Variants in STAT5A observed in about 807,000 individuals in gnomAD.
The protein encoded by STAT5A is signal transducer and activator of transcription 5A, also known as epididymis secretory sperm binding protein.
STAT5A carries 26 observed loss-of-function variants against 100.2 expected under a neutral mutation model. The observed-to-expected ratio is 0.26, with a 90% CI of 0.19 to 0.36. STAT5A has a LOEUF of 0.36. Among genes scored for constraint, STAT5A ranks in the 10% least tolerant of loss-of-function variants. STAT5A has a pLI of 1.00. For missense variants in STAT5A, 634 were observed against 1,027.5 expected, an observed-to-expected ratio of 0.62 and a Z score of 5.24; for synonymous variants, 330 against 424.3, an observed-to-expected ratio of 0.78 and a Z score of 2.73.
chr17:42,301,588 T>C, intron 9 of STAT5A, 134 bp downstream of exon 9: 1 of 1,338,508 alleles, frequency 7.5e-7, no homozygotes, highest in South Asian at 1.4e-5. Flanking sequence ...ACTCCTGGAC[T>C]CATGCAGTCT....
intron 8 of STAT5A, 125 bp downstream of exon 8, chr17:42,300,995 C>G (rs1325692343): frequency 6.5e-7 from 1 of 1,544,580 alleles, no homozygotes; most frequent in Non-Finnish European, 8.8e-7. Flanking sequence ...AACTCCATCT[C>G]CAGTTGCTGT....
Position 42,304,595 on chromosome 17 carries a change from A to G in STAT5A, c.1323A>G (p.Thr441=), listed in dbSNP as rs766298000. The G allele has an allele frequency of 1.9e-6, 3 of 1,614,210 alleles. No individual in the cohort carries two copies. The highest frequency in any genetic ancestry group is 2.5e-6 in the Non-Finnish European group (3 of 1,180,034). The change falls in exon 11 of 19, where the codon ACA becomes ACG. Residue 441 remains threonine, a synonymous_variant. Coordinates refer to ENST00000590949, the MANE Select transcript of STAT5A (RefSeq NM_001288718.2). This position sits in a 1 kb window ranked among gnomAD's most constrained non-coding sequence, Gnocchi z 4.8. ...AGTCCGTGACAGAGGAGAAGTTCAC[A>G]GTCCTGTTTGAGTCTCAGTTCAGTG... The part of the protein sequence containing the change: ...GAESVTEEKF[T]VLFESQFSVG...
In STAT5A at chr17:42,300,114, T is replaced by A; in HGVS notation, c.682-16T>A. Reference sequence around the variant, plus strand: ...TCTGGGAGCCCAGAAGGGGCTGCTCTCCTCCCTTCCCTCAGGAGCTGGCCG... The same window carrying A: ...TCTGGGAGCCCAGAAGGGGCTGCTCACCTCCCTTCCCTCAGGAGCTGGCCG... On this transcript the variant is annotated splice_polypyrimidine_tract_variant and intron_variant, in intron 6 of 18. Coordinates refer to ENST00000590949, the MANE Select transcript of STAT5A (RefSeq NM_001288718.2). 3 of 1,354,824 alleles carry A rather than the reference T, an allele frequency of 2.2e-6. No homozygotes were observed. Among genetic ancestry groups the A allele is most frequent in the Non-Finnish European group, 3.0e-6 (3 of 1,002,322 alleles). The allele number at this position is 1,354,824 out of a possible 1,614,324, so 83.9% of individuals were successfully genotyped here.
chr17:42,305,793 C>T, intron 12 of STAT5A, 91 bp downstream of exon 12: 2 of 1,353,280 alleles, frequency 1.5e-6, no homozygotes, highest in Admixed American at 3.9e-5. Flanking sequence ...GCTGAGTGGT[C>T]CTTCCTCACC....
At chr17:42,295,506 T>C in intron 4 of STAT5A, 113 bp from the exon 5 acceptor site, 1 of 1,144,146 alleles carries the variant, frequency 8.7e-7, no homozygotes, top group Non-Finnish European at 1.2e-6. Context: ...GTTTCCCTTC[T>C]TACCCTAGTT....
chr17:42,310,514 C>T lies in STAT5A; in HGVS notation c.2230C>T (p.His744Tyr). The T allele has an allele frequency of 6.2e-7, 1 of 1,614,154 alleles. No individual in the cohort carries two copies. The highest frequency in any genetic ancestry group is 1.1e-5 in the South Asian group (1 of 91,084). ...TCCCCCTGTCTTTACCAGCCCTGAC[C>T]ATGTACTCGATCAGGATGGAGAATT... Reference protein sequence around the residue: ...PYNMYPQNPDHVLDQDGEFDL... With the variant: ...PYNMYPQNPDYVLDQDGEFDL... Residue 744 changes from histidine to tyrosine, a missense_variant, in exon 19 of 19, where the codon CAT becomes TAT. His to Tyr is a moderately conservative substitution (Grantham distance 83, BLOSUM62 2). Transcript: ENST00000590949.
intron 4 of STAT5A, among the ~76,000 whole-genome samples, chr17:42,293,973 G>A (rs1445456123): frequency 2.0e-5 from 3 of 152,182 alleles, no homozygotes; most frequent in Non-Finnish European, 4.4e-5. Flanking sequence ...CCAGCACTTT[G>A]GGAGGCCAAG....
chr17:42,298,867 G>A (rs2080946781), intron 5 of STAT5A, among the ~76,000 whole-genome samples: 2 of 152,188 alleles, frequency 1.3e-5, no homozygotes, highest in South Asian at 4.1e-4. Context: ...CACAGATGGT[G>A]TGGAGGGAAG....
At chr17:42,293,194 T>C (rs1431530583) in intron 4 of STAT5A, among the ~76,000 whole-genome samples, 1 of 152,216 alleles carries the variant, frequency 6.6e-6, no homozygotes, top group African/African-American at 2.4e-5. Context: ...TATTTCTTTC[T>C]TTATTTGTTT....
intron 5 of STAT5A, among the ~76,000 whole-genome samples, chr17:42,297,580 C>T (rs927664215): frequency 1.3e-5 from 2 of 151,426 alleles, no homozygotes; most frequent in Admixed American, 6.6e-5. Context: ...AATTGCTTCC[C>T]GTCTCCCTGG....
In STAT5A at chr17:42,292,017, C is replaced by T; in HGVS notation, c.331C>T (p.His111Tyr). ...CPLELVRCIRHILYNEQRLVR... is the reference protein window; with the variant it reads ...CPLELVRCIRYILYNEQRLVR... ...CCTGGAGCTGGTCCGCTGCATCCGG[C>T]ACATTCTGTACAATGAACAGAGGCT... is the stretch of plus-strand genomic sequence containing the variant. Residue 111 changes from histidine (H) to tyrosine (Y), a missense_variant, in exon 4 of 19, where the codon CAC (histidine) becomes TAC (tyrosine). Around this residue, in one of 5 missense-constraint regions of STAT5A, gnomAD observed 207 missense variants for 256.6 expected, o/e 0.81. Coordinates refer to ENST00000590949, the MANE Select transcript of STAT5A (RefSeq NM_001288718.2). 1 of 1,614,010 alleles carries T rather than the reference C, an allele frequency of 6.2e-7. No homozygotes were observed. Among genetic ancestry groups the T allele is most frequent in the Non-Finnish European group, 8.5e-7 (1 of 1,179,928 alleles).
chr17:42,310,589 C>G lies in STAT5A; in HGVS notation c.2305C>G (p.Arg769Gly), dbSNP rs1387284839. Residue 769 changes from arginine to glycine, a missense_variant, in exon 19 of 19, where the codon CGC becomes GGC. Arg to Gly is a moderately radical substitution (Grantham distance 125). Coordinates refer to ENST00000590949, the MANE Select transcript of STAT5A (RefSeq NM_001288718.2). ...DVARHVEELL[R>G]RPMDSLDSRL... ...GGCCAGGCACGTGGAGGAACTCTTACGCCGACCAATGGACAGTCTTGACTC... is the reference window on the plus strand; with the variant it reads ...GGCCAGGCACGTGGAGGAACTCTTAGGCCGACCAATGGACAGTCTTGACTC... 12 of 1,614,116 alleles carry G rather than the reference C, an allele frequency of 7.4e-6. No individual in the cohort carries two copies. The highest frequency in any genetic ancestry group is 1.0e-5 in the Non-Finnish European group (12 of 1,180,044).
In STAT5A at chr17:42,300,808, G is replaced by A; in HGVS notation, c.927G>A (p.Val309=). The A allele has an allele frequency of 6.2e-7, 1 of 1,612,438 alleles. No homozygotes were observed. The highest frequency in any genetic ancestry group is 8.5e-7 in the Non-Finnish European group (1 of 1,179,256). Residue 309 remains valine (V), a synonymous_variant, in exon 8 of 19, where the codon GTG becomes GTA. Transcript: ENST00000590949. ...LCQQLPIPGP[V]EEMLAEVNAT... is the part of the protein sequence containing the mutation. ...AGCAGCTGCCCATCCCCGGCCCAGTGGAGGAGATGCTGGCCGAGGTCAACG... is the reference window on the plus strand; with the variant it reads ...AGCAGCTGCCCATCCCCGGCCCAGTAGAGGAGATGCTGGCCGAGGTCAACG...
In STAT5A at chr17:42,292,049, A is replaced by T. The variant is rs370530947; in HGVS notation, c.363A>T (p.Arg121=). The T allele has an allele frequency of 3.1e-6, 5 of 1,613,856 alleles. No homozygotes were observed. The highest frequency in any genetic ancestry group is 4.2e-6 in the Non-Finnish European group (5 of 1,179,890). ...TGTACAATGAACAGAGGCTGGTCCG[A>T]GAAGCCAACAATGTGAGTGTCCCTT... ...HILYNEQRLV[R]EANNCSSPAG... is the part of the protein sequence containing the mutation. The change falls in exon 4 of 19, where the codon CGA becomes CGT. Residue 121 remains arginine (R), a synonymous_variant. Coordinates refer to ENST00000590949, the MANE Select transcript of STAT5A (RefSeq NM_001288718.2).
At chr17:42,292,545 G>A (rs909986714) in intron 4 of STAT5A, among the ~76,000 whole-genome samples, 5 of 150,704 alleles carry the variant, frequency 3.3e-5, no homozygotes, top group African/African-American at 9.8e-5. Context: ...AGCCAGGATG[G>A]TCTCAACCTG....
intron 4 of STAT5A, among the ~76,000 whole-genome samples, chr17:42,294,695 G>A (rs928975487): frequency 2.0e-5 from 3 of 152,238 alleles, no homozygotes; most frequent in African/African-American, 7.2e-5. Context: ...GCAGGAACAT[G>A]CCTGTGTGTT....
At chr17:42,289,191 T>C in intron 1 of STAT5A, 1 of 495,942 alleles carries the variant, frequency 2.0e-6, no homozygotes. Context: ...GCAGAGCACC[T>C]TCCCCTCCCC....
At chr17:42,301,714 C>T (rs1472654819) in intron 9 of STAT5A, among the ~76,000 whole-genome samples, 1 of 152,210 alleles carries the variant, frequency 6.6e-6, no homozygotes, top group Non-Finnish European at 1.5e-5. Context: ...GGCTCACTGC[C>T]ACTGCCCAGC....
chr17:42,307,979 G>A (rs570886378), intron 15 of STAT5A, among the ~76,000 whole-genome samples, 199 bp from the exon 16 acceptor site: 43 of 152,280 alleles, frequency 2.8e-4, no homozygotes, highest in African/African-American at 8.9e-4. Flanking sequence ...TCTCTGCCAC[G>A]ACCCAGCCTT....
Sources: gnomAD v4.1 joint callset for allele counts (sites outside exome capture counted in the v4.1 genomes callset) on GRCh38, gnomAD v4.1.1 for gene constraint, gnomAD v4.1.1 regional missense constraint, Gnocchi (gnomAD v3.1) non-coding constraint, MANE v1.5 for transcripts, NCBI Gene and HGNC (gene_info 2026-07-23, HGNC 2026-07-21) for gene names.